STK32B: variants seen among roughly 807,000 people sequenced by gnomAD.
STK32B encodes serine/threonine kinase 32B, also known as serine/threonine-protein kinase 32B.
A neutral mutation model predicts 52.6 loss-of-function variants in STK32B; 43 were observed. The ratio of observed to expected loss-of-function variants is 0.82; its 90% CI spans 0.64 to 1.05. The LOEUF is 1.05. Ranked by LOEUF, STK32B falls within the 50% of genes least tolerant of loss-of-function variation. The pLI is 0.00. For synonymous variants in STK32B, 238 were observed against 204.3 expected, an observed-to-expected ratio of 1.17 and a Z score of -1.41; for missense variants, 621 against 534.6, an observed-to-expected ratio of 1.16 and a Z score of -1.59.
intron 4 of STK32B, among the ~76,000 whole-genome samples, chr4:5,338,920 C>T (rs1560333277): frequency 6.6e-6 from 1 of 152,196 alleles, no homozygotes; most frequent in Non-Finnish European, 1.5e-5. Context: ...CTGAGTGTGT[C>T]TGTGAGGATG....
intron 3 of STK32B, among the ~76,000 whole-genome samples, chr4:5,249,046 G>C (rs1725681226): frequency 6.6e-6 from 1 of 151,968 alleles, no homozygotes; most frequent in Non-Finnish European, 1.5e-5. Context: ...CCTGCACATT[G>C]TGCACATGTA....
intron 3 of STK32B, among the ~76,000 whole-genome samples, chr4:5,259,220 T>G (rs550091541): frequency 6.2e-4 from 94 of 152,250 alleles, no homozygotes; most frequent in Non-Finnish European, 1.1e-3. Context: ...ATGTTTACCT[T>G]TTTATTTACT....
At chr4:5,381,495 G>A (rs1036974779) in intron 4 of STK32B, among the ~76,000 whole-genome samples, 1 of 152,174 alleles carries the variant, frequency 6.6e-6, no homozygotes, top group Non-Finnish European at 1.5e-5. Context: ...AGGGGCTTTC[G>A]ATTGAATGAG....
intron 2 of STK32B, among the ~76,000 whole-genome samples, chr4:5,164,440 CCTTAA>C (rs1382917783): frequency 6.6e-6 from 1 of 152,184 alleles, no homozygotes; most frequent in East Asian, 1.9e-4. Flanking sequence ...ATCCTGAGAT[CCTTAA>C]CTTAATTACA....
At chr4:5,169,021 G>T (rs113657551) in intron 3 of STK32B, among the ~76,000 whole-genome samples, 35 of 152,142 alleles carry the variant, frequency 2.3e-4, no homozygotes, top group African/African-American at 7.5e-4. Context: ...GTGCTTTTGC[G>T]TGTGAAATAT....
intron 3 of STK32B, among the ~76,000 whole-genome samples, chr4:5,306,720 T>C (rs946032217): frequency 6.6e-6 from 1 of 152,154 alleles, no homozygotes; most frequent in African/African-American, 2.4e-5. Context: ...TTGTGTATTG[T>C]TGTTTTATAG....
intron 3 of STK32B, among the ~76,000 whole-genome samples, chr4:5,260,865 G>A (rs1486833310): frequency 1.3e-5 from 2 of 152,192 alleles, no homozygotes; most frequent in Non-Finnish European, 2.9e-5. Flanking sequence ...GTTGTTTAGA[G>A]GGAGTAGCTG....
chr4:5,271,190 C>A (rs996429691), intron 3 of STK32B, among the ~76,000 whole-genome samples: 1 of 152,184 alleles, frequency 6.6e-6, no homozygotes, highest in Non-Finnish European at 1.5e-5. Flanking sequence ...CCCGCCTTGA[C>A]CTCCCAAAGT....
chr4:5,466,178 C>G (rs983611098), intron 9 of STK32B, among the ~76,000 whole-genome samples: 1 of 152,104 alleles, frequency 6.6e-6, no homozygotes, highest in Non-Finnish European at 1.5e-5. Context: ...TCCTCCTGAC[C>G]ACAGCGGGAG....
intron 3 of STK32B, among the ~76,000 whole-genome samples, chr4:5,324,174 T>C (rs1731721479): frequency 6.6e-6 from 1 of 152,160 alleles, no homozygotes; most frequent in Admixed American, 6.5e-5. Context: ...GCCAACATGA[T>C]GAAACCTTGT....
chr4:5,085,663 G>T lies in STK32B; in HGVS notation c.52+33748G>T, dbSNP rs187028251. On this transcript the variant is annotated intron_variant, in intron 1 of 11. Coordinates refer to ENST00000282908, the MANE Select transcript of STK32B (RefSeq NM_018401.3). The stretch of plus-strand genomic sequence containing the variant: ...ATAGTTTCATAAAAGCAATAAAAAA[G>T]CATTGATAAAATTGTTAGAAGTAAC... 4.8e-3 allele frequency among the ~76,000 whole-genome samples: 730 copies of T among 152,248 alleles called. 9 individuals are homozygous for T. The highest frequency in any genetic ancestry group is 0.014 in the African/African-American group (602 of 41,558).
chr4:5,332,809 CA>C (rs1336271528), intron 4 of STK32B, among the ~76,000 whole-genome samples: 3 of 152,114 alleles, frequency 2.0e-5, no homozygotes, highest in African/African-American at 7.2e-5. Flanking sequence ...ATCCGTGTCT[CA>C]AAAAGGACAT....
intron 5 of STK32B, among the ~76,000 whole-genome samples, chr4:5,416,639 A>G (rs1712186436): frequency 6.6e-6 from 1 of 152,232 alleles, no homozygotes; most frequent in Non-Finnish European, 1.5e-5. Flanking sequence ...ATATTTATGT[A>G]AAAATAATAT....
At chr4:5,343,433 T>C (rs1733234896) in intron 4 of STK32B, among the ~76,000 whole-genome samples, 1 of 152,184 alleles carries the variant, frequency 6.6e-6, no homozygotes, top group East Asian at 1.9e-4. Flanking sequence ...GTCTTTATAG[T>C]AGCATGATTT....
intron 4 of STK32B, among the ~76,000 whole-genome samples, chr4:5,348,453 T>C (rs1014914939): frequency 2.6e-5 from 4 of 152,136 alleles, no homozygotes; most frequent in African/African-American, 9.7e-5. Flanking sequence ...TCCCCACCCA[T>C]AGCCGTTGCT....
intron 4 of STK32B, among the ~76,000 whole-genome samples, chr4:5,334,593 G>A (rs1290807839): frequency 2.0e-5 from 3 of 152,268 alleles, no homozygotes; most frequent in Admixed American, 6.5e-5. Context: ...TGTCCATTCA[G>A]TATGATATTG....
At chr4:5,266,550 A>T (rs986265295) in intron 3 of STK32B, among the ~76,000 whole-genome samples, 7 of 152,226 alleles carry the variant, frequency 4.6e-5, no homozygotes, top group African/African-American at 1.7e-4. Flanking sequence ...AAATTAGAGA[A>T]GGAACTCTGT....
At chr4:5,409,890 G>A (rs1711519108) in intron 5 of STK32B, among the ~76,000 whole-genome samples, 1 of 152,074 alleles carries the variant, frequency 6.6e-6, no homozygotes, top group Non-Finnish European at 1.5e-5. Flanking sequence ...AAAATCAAAG[G>A]CTCATTTTAT....
At chr4:5,096,315 A>C (rs570363399) in intron 1 of STK32B, among the ~76,000 whole-genome samples, 2 of 152,356 alleles carry the variant, frequency 1.3e-5, no homozygotes, top group East Asian at 1.9e-4. Flanking sequence ...CTGTTAAAAA[A>C]AATAATAAAA....
Sources: allele counts gnomAD v4.1 joint callset (sites outside exome capture counted in the v4.1 genomes callset), GRCh38; gene constraint gnomAD v4.1.1; transcripts MANE v1.5; gene names NCBI Gene and HGNC (gene_info 2026-07-23, HGNC 2026-07-21).